TBCK: variants seen among roughly 807,000 people sequenced by gnomAD.
TBCK encodes TBC1 domain containing kinase, also known as TBC domain-containing protein kinase-like protein.
TBCK carries 99 observed loss-of-function variants against 113.4 expected under a neutral mutation model. That is an observed-to-expected ratio of 0.87 (90% CI 0.74 to 1.03). The LOEUF is 1.03. TBCK is among the 50% of genes least tolerant of loss of function. TBCK has a pLI of 0.00. For missense variants in TBCK, 1,045 were observed against 1,061.3 expected (o/e 0.98, Z 0.21); for synonymous variants, 369 against 370.8 (o/e 1.00, Z 0.05).
intron 23 of TBCK, among the ~76,000 whole-genome samples, chr4:106,124,261 C>T (rs1288585540): frequency 5.3e-5 from 8 of 152,200 alleles, no homozygotes; most frequent in Non-Finnish European, 1.2e-4. Flanking sequence ...TGCTCATTAT[C>T]ACTGGCCATC....
chr4:106,238,695 C>T (rs1759745609), intron 12 of TBCK: 1 of 152,148 alleles, frequency 6.6e-6, no homozygotes, highest in African/African-American at 2.4e-5. Flanking sequence ...CATTCTTCCT[C>T]TAACAAGAAA....
In TBCK at chr4:106,294,772, C is replaced by T. The variant is rs545253943; in HGVS notation, c.266+322G>A. Among the ~76,000 whole-genome samples, 29 of 152,192 alleles carry T rather than the reference C, an allele frequency of 1.9e-4. No individual in the cohort carries two copies. The East Asian group carries it at 3.7e-3, about 20-fold the overall frequency. On this transcript the variant is annotated intron_variant, in intron 3 of 25. Transcript: ENST00000394708. ...CTGGCATTACAGGCGTGAGCCACCA[C>T]GCCTGGCCAGGAAAATAATCTTAAT...
chr4:106,239,515 G>A (rs1759850017), intron 12 of TBCK, among the ~76,000 whole-genome samples: 1 of 151,988 alleles, frequency 6.6e-6, no homozygotes, highest in African/African-American at 2.4e-5. Context: ...CAAGGGATAG[G>A]TGTGGCGTTG....
chr4:106,253,994 A>T (rs1761710163), intron 5 of TBCK, among the ~76,000 whole-genome samples: 3 of 152,228 alleles, frequency 2.0e-5, no homozygotes, highest in Admixed American at 2.0e-4. Context: ...ATCAGGGATC[A>T]CACAGAATAC....
intron 23 of TBCK, among the ~76,000 whole-genome samples, chr4:106,153,031 T>C (rs1269413513): frequency 6.6e-6 from 1 of 152,094 alleles, no homozygotes; most frequent in East Asian, 1.9e-4. Flanking sequence ...TTTGTTTCAT[T>C]GATCTTCTGT....
At chr4:106,065,921 T>C (rs963468017) in intron 25 of TBCK, among the ~76,000 whole-genome samples, 5 of 151,936 alleles carry the variant, frequency 3.3e-5, no homozygotes, top group African/African-American at 1.2e-4. Flanking sequence ...TTTATCTAGA[T>C]AAAAAATGGC....
chr4:106,315,041 A>C (rs1035500131), intron 1 of TBCK, among the ~76,000 whole-genome samples: 4 of 152,210 alleles, frequency 2.6e-5, no homozygotes, highest in Non-Finnish European at 5.9e-5. Flanking sequence ...TTCTTTTTCC[A>C]CTACCTCTTA....
chr4:106,151,733 CT>C (rs772190033), intron 23 of TBCK, among the ~76,000 whole-genome samples: 1 of 151,938 alleles, frequency 6.6e-6, no homozygotes, highest in Non-Finnish European at 1.5e-5. Context: ...CATGGAATCT[CT>C]TTCCTTTTTT....
rs1400204291 is a variant in TBCK at position 106,236,480 on chromosome 4, C to A, written c.1260G>T (p.Leu420Phe). Residue 420 changes from leucine to phenylalanine, a missense_variant, in exon 14 of 26, where the codon TTG becomes TTT. By Grantham distance (22) the Leu-to-Phe change is conservative (BLOSUM62 0). Coordinates refer to ENST00000394708, the MANE Select transcript of TBCK (RefSeq NM_001163435.3). Reference protein sequence around the residue: ...NLPHSNSNNELSAAATLPLII... With the variant: ...NLPHSNSNNEFSAAATLPLII... Reference sequence around the variant, plus strand: ...TTAAAGGGAGCGTGGCAGCTGCAGACAACTCATTATTGCTGTTTGAATGAG... The same window carrying A: ...TTAAAGGGAGCGTGGCAGCTGCAGAAAACTCATTATTGCTGTTTGAATGAG... 1 of 1,576,438 alleles carries A rather than the reference C, an allele frequency of 6.3e-7. No individual in the cohort carries two copies. The highest frequency in any genetic ancestry group is 1.8e-5 in the Admixed American group (1 of 57,076).
chr4:106,165,472 C>T (rs1202755568), intron 23 of TBCK, among the ~76,000 whole-genome samples: 1 of 151,754 alleles, frequency 6.6e-6, no homozygotes, highest in Non-Finnish European at 1.5e-5. Context: ...AATCCTTACT[C>T]TCCACACTGT....
At chr4:106,187,705 T>C (rs764935036) in intron 22 of TBCK, among the ~76,000 whole-genome samples, 2 of 152,186 alleles carry the variant, frequency 1.3e-5, no homozygotes, top group Admixed American at 6.5e-5. Flanking sequence ...TGAGCCACTG[T>C]GCTCAGCCAT....
At chr4:106,264,615 G>GAACTA (rs1762813816) in intron 3 of TBCK, among the ~76,000 whole-genome samples, 1 of 151,894 alleles carries the variant, frequency 6.6e-6, no homozygotes, top group African/African-American at 2.4e-5. Flanking sequence ...ATTTACTGTA[G>GAACTA]AACTAAGCAC....
rs1764476214 is a variant in TBCK, at chr4:106,280,494, T to C, written c.266+14600A>G. Among the ~76,000 whole-genome samples, 3 of 152,186 alleles carry C rather than the reference T, an allele frequency of 2.0e-5. No individual in the cohort carries two copies. The South Asian group carries it at 6.2e-4, about 31-fold the overall frequency. ...TGCTTGTGGGGTATTACACAGGAAA[T>C]CTTTGCCCAGACTGATGTCCTAGTA... On this transcript the variant is annotated intron_variant, in intron 3 of 25. Transcript: ENST00000394708.
At chr4:106,132,468 A>G (rs1746064534) in intron 23 of TBCK, among the ~76,000 whole-genome samples, 1 of 152,226 alleles carries the variant, frequency 6.6e-6, no homozygotes, top group South Asian at 2.1e-4. Context: ...GTTTAGAAAT[A>G]TCTGCCTAGA....
chr4:106,271,107 C>A (rs1421076349), intron 3 of TBCK, among the ~76,000 whole-genome samples: 2 of 152,100 alleles, frequency 1.3e-5, no homozygotes, highest in South Asian at 2.1e-4. Flanking sequence ...TAAATAAATA[C>A]TTTTCCCTAA....
chr4:106,298,833 G>A (rs1713123335), intron 2 of TBCK, among the ~76,000 whole-genome samples: 1 of 152,128 alleles, frequency 6.6e-6, no homozygotes, highest in Non-Finnish European at 1.5e-5. Flanking sequence ...AGTTAAGATG[G>A]AAAAGGCATT....
intron 3 of TBCK, among the ~76,000 whole-genome samples, chr4:106,287,701 T>C (rs1765256906): frequency 6.6e-6 from 1 of 152,228 alleles, no homozygotes; most frequent in African/African-American, 2.4e-5. Context: ...AGGCCCTCAA[T>C]GTAGAAAAGA....
chr4:106,221,332 TAC>T (rs989932455), intron 19 of TBCK, among the ~76,000 whole-genome samples: 7 of 151,814 alleles, frequency 4.6e-5, no homozygotes, highest in African/African-American at 1.2e-4. Flanking sequence ...TACATATATA[TAC>T]ACACACACAC....
At chr4:106,270,292 G>T (rs1199417109) in intron 3 of TBCK, among the ~76,000 whole-genome samples, 4 of 152,108 alleles carry the variant, frequency 2.6e-5, no homozygotes, top group Admixed American at 1.3e-4. Flanking sequence ...TGATACACAG[G>T]TCTGGAGGAT....
Sources: gnomAD v4.1 joint callset for allele counts (sites outside exome capture counted in the v4.1 genomes callset) on GRCh38, gnomAD v4.1.1 for gene constraint, MANE v1.5 for transcripts, NCBI Gene and HGNC (gene_info 2026-07-23, HGNC 2026-07-21) for gene names.